ENOX1: variants seen among roughly 807,000 people sequenced by gnomAD.
The protein encoded by ENOX1 is candidate growth-related and time keeping constitutive hydroquinone (NADH) oxidase.
Under a neutral mutation model 82.5 loss-of-function variants are expected in ENOX1, and 42 were observed. The ratio of observed to expected loss-of-function variants is 0.51; its 90% CI spans 0.40 to 0.66. ENOX1 has a LOEUF of 0.66. Ranked by LOEUF, ENOX1 falls within the 30% of genes least tolerant of loss-of-function variation. The pLI is 0.00. For missense variants in ENOX1, 608 were observed against 811.6 expected (o/e 0.75, Z 3.05); for synonymous variants, 271 against 282.2 (o/e 0.96, Z 0.40).
In ENOX1 at chr13:43,753,071, G is replaced by C. The variant is rs574236076; in HGVS notation, c.-285+33581C>G. 2.9e-4 allele frequency among the ~76,000 whole-genome samples: 44 copies of C among 152,176 alleles called. No homozygotes were observed. In the South Asian group the frequency reaches 8.3e-3, roughly 29 times the overall value. On this transcript the variant is annotated intron_variant, in intron 1 of 16. Transcript: ENST00000690772. ...GACAGGGTTTCACCATGTTGGCCAG[G>C]CTGGTCTCGAACTCCTGACCTCAAA...
chr13:43,665,310 T>C (rs2084924195), intron 2 of ENOX1, among the ~76,000 whole-genome samples: 1 of 152,158 alleles, frequency 6.6e-6, no homozygotes, highest in Non-Finnish European at 1.5e-5. Context: ...GTTTCCCAAA[T>C]AAGCAACTCT....
intron 15 of ENOX1, among the ~76,000 whole-genome samples, chr13:43,228,003 G>A (rs1224522643): frequency 6.6e-6 from 1 of 150,694 alleles, no homozygotes; most frequent in Non-Finnish European, 1.5e-5. Context: ...CATCAGTCAT[G>A]CCACTTGAGA....
chr13:43,439,675 T>C (rs1049063182), intron 3 of ENOX1, among the ~76,000 whole-genome samples: 2 of 152,208 alleles, frequency 1.3e-5, no homozygotes, highest in Admixed American at 1.3e-4. Flanking sequence ...TCTTTAACAT[T>C]TTTTGTGTGC....
At chr13:43,604,768 C>T (rs2081905265) in intron 2 of ENOX1, among the ~76,000 whole-genome samples, 1 of 151,974 alleles carries the variant, frequency 6.6e-6, no homozygotes. Context: ...GAAGTCCTAG[C>T]CAAAGCAATC....
At chr13:43,694,569 A>G (rs2086538066) in intron 1 of ENOX1, among the ~76,000 whole-genome samples, 1 of 152,236 alleles carries the variant, frequency 6.6e-6, no homozygotes, top group Non-Finnish European at 1.5e-5. Flanking sequence ...TAAATGAGTG[A>G]GTCGTATGCC....
chr13:43,228,362 C>A (rs2042119954), intron 15 of ENOX1, among the ~76,000 whole-genome samples: 1 of 151,882 alleles, frequency 6.6e-6, no homozygotes, highest in African/African-American at 2.4e-5. Context: ...ATGTAGAAGG[C>A]CTCCATATTG....
At chr13:43,426,641 T>C (rs1566190864) in intron 3 of ENOX1, among the ~76,000 whole-genome samples, 1 of 152,188 alleles carries the variant, frequency 6.6e-6, no homozygotes, top group African/African-American at 2.4e-5. Flanking sequence ...CTAGTGGTGG[T>C]TAAGCAGTGC....
At chr13:43,445,552 T>C (rs1368299006) in intron 3 of ENOX1, among the ~76,000 whole-genome samples, 1 of 152,152 alleles carries the variant, frequency 6.6e-6, no homozygotes, top group Non-Finnish European at 1.5e-5. Context: ...AGGTCTTTCC[T>C]GGCTTGGGGG....
intron 9 of ENOX1, among the ~76,000 whole-genome samples, chr13:43,340,755 C>T (rs1403500730): frequency 1.3e-5 from 2 of 152,234 alleles, no homozygotes; most frequent in African/African-American, 2.4e-5. Flanking sequence ...AACTACTCAA[C>T]GAGGTCACCA....
At chr13:43,668,162 C>T (rs957549953) in intron 1 of ENOX1, among the ~76,000 whole-genome samples, 1 of 152,092 alleles carries the variant, frequency 6.6e-6, no homozygotes, top group Non-Finnish European at 1.5e-5. Context: ...GAGTGTGGTC[C>T]ACAGGCAGCA....
intron 1 of ENOX1, among the ~76,000 whole-genome samples, chr13:43,670,164 C>T (rs1594341399): frequency 6.6e-6 from 1 of 152,058 alleles, no homozygotes; most frequent in African/African-American, 2.4e-5. Flanking sequence ...CATTTAATGC[C>T]CCATTAGGAA....
intron 9 of ENOX1, among the ~76,000 whole-genome samples, chr13:43,334,880 T>G (rs1022132785): frequency 6.6e-6 from 1 of 151,734 alleles, no homozygotes; most frequent in Non-Finnish European, 1.5e-5. Context: ...CTTACAGAAG[T>G]GGGGCCAAGG....
intron 3 of ENOX1, among the ~76,000 whole-genome samples, chr13:43,432,274 T>C (rs1354646006): frequency 6.6e-6 from 1 of 152,134 alleles, no homozygotes; most frequent in East Asian, 1.9e-4. Context: ...AACACTCAAA[T>C]AAAATTCACT....
At chr13:43,578,212 C>T (rs1357646220) in intron 2 of ENOX1, among the ~76,000 whole-genome samples, 1 of 152,118 alleles carries the variant, frequency 6.6e-6, no homozygotes, top group Admixed American at 6.5e-5. Flanking sequence ...TCATCAAAAT[C>T]ACAGGATATA....
intron 1 of ENOX1, among the ~76,000 whole-genome samples, chr13:43,678,662 G>A (rs953355445): frequency 2.0e-5 from 3 of 152,074 alleles, no homozygotes; most frequent in Non-Finnish European, 4.4e-5. Flanking sequence ...CTCACCTCTG[G>A]ACTCCAAGTT....
chr13:43,321,673 TG>T (rs1463770169), intron 11 of ENOX1, among the ~76,000 whole-genome samples: 1 of 152,264 alleles, frequency 6.6e-6, no homozygotes, highest in Non-Finnish European at 1.5e-5. Context: ...TTGGGAATGA[TG>T]GCAATTATGG....
At chr13:43,354,294 T>C (rs1160928725) in intron 8 of ENOX1, among the ~76,000 whole-genome samples, 1 of 152,206 alleles carries the variant, frequency 6.6e-6, no homozygotes, top group African/African-American at 2.4e-5. Context: ...CCATGGCCTA[T>C]GTATTTACAT....
chr13:43,249,790 C>T (rs542240288), intron 14 of ENOX1, among the ~76,000 whole-genome samples: 1 of 152,234 alleles, frequency 6.6e-6, no homozygotes, highest in South Asian at 2.1e-4. Context: ...TCAAATTTTA[C>T]AAGGTTTTCC....
chr13:43,401,069 T>C (rs932936281), intron 5 of ENOX1, among the ~76,000 whole-genome samples: 5 of 132,946 alleles, frequency 3.8e-5, no homozygotes, highest in African/African-American at 1.8e-4. Context: ...GATTCAATGA[T>C]GCAAGATATT....
Sources: gnomAD v4.1 joint callset for allele counts (sites outside exome capture counted in the v4.1 genomes callset) on GRCh38, gnomAD v4.1.1 for gene constraint, MANE v1.5 for transcripts, NCBI Gene and HGNC (gene_info 2026-07-23, HGNC 2026-07-21) for gene names.